Variants in SLCO5A1 observed in about 807,000 individuals in gnomAD.
SLCO5A1 encodes organic anion transporter polypeptide-related protein 4.
A neutral mutation model predicts 65.1 loss-of-function variants in SLCO5A1; 39 were observed. The ratio of observed to expected loss-of-function variants is 0.60; its 90% CI spans 0.46 to 0.78. The LOEUF (loss-of-function observed/expected upper bound fraction) is 0.78. SLCO5A1 is among the 30% of genes least tolerant of loss of function. The pLI, the probability that SLCO5A1 is intolerant of heterozygous loss-of-function variation, is 0.00. For synonymous variants in SLCO5A1, 438 were observed against 415.7 expected (o/e 1.05, Z -0.65); for missense variants, 1,029 against 1,069.4 (o/e 0.96, Z 0.53).
rs1817506502 is a variant in SLCO5A1 at position 69,755,555 on chromosome 8, T to G, written c.1127A>C (p.His376Pro). ...AAATTTTTTCTTTTTCTTTTTCTTG[T>G]GTCGAGGTGGAAGCTTTTTTGGGAA... Reference protein sequence around the residue: ...FTFPKKLPPRHKKKKKKKFSV... With the variant: ...FTFPKKLPPRPKKKKKKKFSV... Residue 376 changes from histidine to proline, a missense_variant, in exon 4 of 10, where the codon CAC (histidine) becomes CCC (proline). This residue lies in a region of SLCO5A1 where 647 missense variants were observed against 647.5 expected (regional missense o/e 1.00). Transcript: ENST00000260126. 6.2e-7 allele frequency: 1 copy of G among 1,614,134 alleles called. No individual in the cohort carries two copies.
chr8:69,784,942 GAAAGAA>G (rs1486697133), intron 2 of SLCO5A1, among the ~76,000 whole-genome samples: 2 of 117,286 alleles, frequency 1.7e-5, no homozygotes, highest in African/African-American at 6.8e-5. Context: ...AAGAAAGAAA[GAAAGAA>G]AGAAGAAAGG....
chr8:69,732,862 C>G (rs113417387), intron 5 of SLCO5A1, among the ~76,000 whole-genome samples: 1 of 151,982 alleles, frequency 6.6e-6, no homozygotes, highest in African/African-American at 2.4e-5. Context: ...GCACTCCAGC[C>G]TGGCGACAGA....
At chr8:69,691,065 G>T (rs1814238993) in intron 6 of SLCO5A1, among the ~76,000 whole-genome samples, 1 of 152,100 alleles carries the variant, frequency 6.6e-6, no homozygotes, top group Non-Finnish European at 1.5e-5. Context: ...ATTACACAAT[G>T]GATTTATGTA....
At chr8:69,727,405 A>G (rs1816131295) in intron 5 of SLCO5A1, among the ~76,000 whole-genome samples, 1 of 152,234 alleles carries the variant, frequency 6.6e-6, no homozygotes, top group Middle Eastern at 3.2e-3. Flanking sequence ...CCAAATTGTA[A>G]GCAGCTTCTC....
chr8:69,789,890 A>G (rs2130891205), intron 2 of SLCO5A1, among the ~76,000 whole-genome samples: 1 of 152,308 alleles, frequency 6.6e-6, no homozygotes, highest in Non-Finnish European at 1.5e-5. Flanking sequence ...ACATTTTAAA[A>G]TAACTAAAAG....
intron 2 of SLCO5A1, among the ~76,000 whole-genome samples, chr8:69,807,813 C>T (rs1376877940): frequency 1.3e-5 from 2 of 152,230 alleles, no homozygotes; most frequent in Non-Finnish European, 2.9e-5. Flanking sequence ...ATGCCATTCT[C>T]CTGCCTCAGC....
At chr8:69,801,727 G>A (rs188284525) in intron 2 of SLCO5A1, among the ~76,000 whole-genome samples, 1 of 152,224 alleles carries the variant, frequency 6.6e-6, no homozygotes, top group African/African-American at 2.4e-5. Flanking sequence ...TGGCTTAGCT[G>A]ACACAAGGCT....
chr8:69,784,279 A>AC (rs1380865772), intron 2 of SLCO5A1, among the ~76,000 whole-genome samples: 6 of 152,202 alleles, frequency 3.9e-5, no homozygotes, highest in African/African-American at 1.4e-4. Flanking sequence ...CAAGATGGAA[A>AC]ATAATCTATG....
rs576735447 is a variant in SLCO5A1 at position 69,733,918 on chromosome 8, C to T, written c.1423+4122G>A. ...GGTCGTCCCATCATTTCAGGCTTCT[C>T]CAAAATACCAACTTCATAATATTTA... is the stretch of plus-strand genomic sequence containing the variant. On this transcript the variant is annotated intron_variant, in intron 5 of 9. Transcript: ENST00000260126. Among the ~76,000 whole-genome samples, 4 of 152,282 alleles carry T rather than the reference C, an allele frequency of 2.6e-5. No individual in the cohort carries two copies. The South Asian group carries it at 8.3e-4, about 32-fold the overall frequency.
intron 4 of SLCO5A1, among the ~76,000 whole-genome samples, 184 bp from the exon 5 acceptor site, chr8:69,738,388 T>G (rs914548354): frequency 1.3e-5 from 2 of 151,970 alleles, no homozygotes; most frequent in East Asian, 1.9e-4. Flanking sequence ...TCTTTTGTTT[T>G]TTTTTTTTAA....
intron 5 of SLCO5A1, among the ~76,000 whole-genome samples, chr8:69,716,972 G>A (rs950009460): frequency 6.6e-6 from 1 of 152,000 alleles, no homozygotes; most frequent in African/African-American, 2.4e-5. Flanking sequence ...TGGAGATGAG[G>A]TATCCCTGTG....
chr8:69,673,627 C>T (rs1215401291), intron 9 of SLCO5A1, among the ~76,000 whole-genome samples: 1 of 151,828 alleles, frequency 6.6e-6, no homozygotes, highest in Admixed American at 6.6e-5. Flanking sequence ...TCAAGTATAC[C>T]TCAATAAAGC....
At chr8:69,680,596 C>A (rs1278388460) in intron 7 of SLCO5A1, among the ~76,000 whole-genome samples, 1 of 152,166 alleles carries the variant, frequency 6.6e-6, no homozygotes, top group African/African-American at 2.4e-5. Flanking sequence ...GATGAACATA[C>A]AAGTGCATGT....
intron 5 of SLCO5A1, among the ~76,000 whole-genome samples, chr8:69,711,411 T>G (rs1360536972): frequency 6.6e-6 from 1 of 152,026 alleles, no homozygotes; most frequent in Non-Finnish European, 1.5e-5. Context: ...CGCCCTCTAA[T>G]GGCCAAGACC....
intron 5 of SLCO5A1, among the ~76,000 whole-genome samples, chr8:69,735,880 C>T (rs1816532352): frequency 6.6e-6 from 1 of 152,144 alleles, no homozygotes; most frequent in African/African-American, 2.4e-5. Context: ...ATTATCATCT[C>T]TGTTTAATCT....
At chr8:69,802,830 A>G (rs1284064268) in intron 2 of SLCO5A1, among the ~76,000 whole-genome samples, 1 of 152,182 alleles carries the variant, frequency 6.6e-6, no homozygotes, top group Non-Finnish European at 1.5e-5. Context: ...CATAGCCCTT[A>G]TACCAGACAA....
intron 4 of SLCO5A1, among the ~76,000 whole-genome samples, chr8:69,744,320 A>T (rs541025171): frequency 6.6e-6 from 1 of 152,296 alleles, no homozygotes; most frequent in African/African-American, 2.4e-5. Flanking sequence ...TCCACTCTGT[A>T]GTCCTACGGT....
chr8:69,677,153 T>C (rs1389569304), intron 8 of SLCO5A1, among the ~76,000 whole-genome samples: 4 of 152,182 alleles, frequency 2.6e-5, no homozygotes, highest in African/African-American at 7.2e-5. Flanking sequence ...GAGTAAAGAA[T>C]AAAAGTATAT....
At chr8:69,804,019 A>T (rs1671430337) in intron 2 of SLCO5A1, among the ~76,000 whole-genome samples, 1 of 152,148 alleles carries the variant, frequency 6.6e-6, no homozygotes, top group Admixed American at 6.5e-5. Flanking sequence ...AGAGGAAGAA[A>T]TCTGAAACAG....
Sources: gnomAD v4.1 joint callset for allele counts (sites outside exome capture counted in the v4.1 genomes callset) on GRCh38, gnomAD v4.1.1 for gene constraint, gnomAD v4.1.1 regional missense constraint, MANE v1.5 for transcripts, NCBI Gene and HGNC (gene_info 2026-07-23, HGNC 2026-07-21) for gene names.